The following CACNA1D variants were observed in gnomAD, a reference collection of about 807,000 sequenced individuals.
The protein encoded by CACNA1D is calcium voltage-gated channel subunit alpha1 D.
A neutral mutation model predicts 257.1 loss-of-function variants in CACNA1D; 55 were observed. The ratio of observed to expected loss-of-function variants is 0.21; its 90% confidence interval spans 0.17 to 0.27. CACNA1D has a LOEUF of 0.27. Ranked by LOEUF, CACNA1D falls within the 10% of genes least tolerant of loss-of-function variation. CACNA1D has a pLI of 1.00. For missense variants in CACNA1D, 1,876 were observed against 2,784.0 expected (o/e 0.67, Z 7.34); for synonymous variants, 980 against 1,014.9 (o/e 0.97, Z 0.65).
chr3:53,629,412 G>A (rs1004135062), intron 3 of CACNA1D, among the ~76,000 whole-genome samples: 3 of 152,242 alleles, frequency 2.0e-5, no homozygotes, highest in South Asian at 4.1e-4. Context: ...CTCACCCACA[G>A]CAGATGTTCA....
rs916644660 is a variant in CACNA1D, at chr3:53,768,181, G to C, written c.3871-1792G>C. The stretch of plus-strand genomic sequence containing the variant: ...CTTGAAGCAGAATAGGGAGAGGCCC[G>C]CAGGAGGGTCTTAGGCCAGACTGTG... On this transcript the variant is annotated intron_variant, in intron 30 of 47. Transcript: ENST00000350061. 2.6e-5 allele frequency among the ~76,000 whole-genome samples: 4 copies of C among 152,236 alleles called. 1 individual carries two copies.
chr3:53,523,017 T>C (rs1398622316), intron 3 of CACNA1D, among the ~76,000 whole-genome samples: 1 of 152,220 alleles, frequency 6.6e-6, no homozygotes, highest in Non-Finnish European at 1.5e-5. Flanking sequence ...ACATGCGATA[T>C]TTTTCTTTCT....
rs532539454 is a variant in CACNA1D at position 53,799,345 on chromosome 3, T to C, written c.4924-904T>C. On this transcript the variant is annotated intron_variant, in intron 40 of 47. Transcript: ENST00000350061. ...TTCCTCCATGCACCATGCATAAGCA[T>C]CTTGGAATGCTTCCCTAATGAAGTC... Among the ~76,000 whole-genome samples, 5 of 152,346 alleles carry C rather than the reference T, an allele frequency of 3.3e-5. No homozygotes were observed. In the East Asian group the frequency reaches 9.6e-4, roughly 29 times the overall value.
chr3:53,637,304 A>G (rs184413823), intron 3 of CACNA1D, among the ~76,000 whole-genome samples: 1 of 152,290 alleles, frequency 6.6e-6, no homozygotes, highest in African/African-American at 2.4e-5. Context: ...CGTATTACAC[A>G]CTGTAATAAT....
At chr3:53,668,638 A>C (rs1206724545) in intron 7 of CACNA1D, among the ~76,000 whole-genome samples, 1 of 152,164 alleles carries the variant, frequency 6.6e-6, no homozygotes, top group Non-Finnish European at 1.5e-5. Flanking sequence ...TCTACAGCAA[A>C]TGGTTGTGGT....
chr3:53,574,857 C>G (rs1160050931), intron 3 of CACNA1D, among the ~76,000 whole-genome samples: 1 of 152,178 alleles, frequency 6.6e-6, no homozygotes, highest in Non-Finnish European at 1.5e-5. Context: ...TGACTTTAAC[C>G]CCTGTGAAGC....
chr3:53,574,051 C>T (rs1396425067), intron 3 of CACNA1D, among the ~76,000 whole-genome samples: 2 of 152,162 alleles, frequency 1.3e-5, no homozygotes, highest in Non-Finnish European at 2.9e-5. Flanking sequence ...CTTTCCATTG[C>T]ACTGTGCTCT....
At chr3:53,689,347 GT>G (rs771931677) in intron 8 of CACNA1D, among the ~76,000 whole-genome samples, 152 of 146,046 alleles carry the variant, frequency 1.0e-3, no homozygotes, top group East Asian at 7.1e-3. Context: ...GAGAGGCAGG[GT>G]TTTTTTTTTT....
chr3:53,723,605 TG>T lies in CACNA1D; in HGVS notation c.1842del (p.Ile615SerfsTer10). Reference sequence around the variant, plus strand: ...GTGGAACTGGAAATCATGTCTCCCCTGGGGATCTCTGTGTTTCGGTGTGTGC... The same window carrying T: ...GTGGAACTGGAAATCATGTCTCCCCTGGGATCTCTGTGTTTCGGTGTGTGC... Reference protein sequence around the residue: ...ILVELEIMSPLGISVFRCVRL... With the variant: ...ILVELEIMSPXGISVFRCVRL... On this transcript the variant is annotated frameshift_variant, in exon 13 of 48. Transcript: ENST00000350061. LOFTEE classifies it high-confidence loss of function. This position sits in a 1 kb window ranked among gnomAD's most constrained non-coding sequence, Gnocchi z 5.6. The T allele has an allele frequency of 6.2e-7, 1 of 1,614,156 alleles. No individual in the cohort carries two copies. The highest frequency in any genetic ancestry group is 8.5e-7 in the Non-Finnish European group (1 of 1,180,020).
In CACNA1D at chr3:53,572,412, G is replaced by T. The variant is rs544979124; in HGVS notation, c.483+70692G>T. Among the ~76,000 whole-genome samples the T allele has an allele frequency of 6.2e-5, 9 of 145,994 alleles. No individual in the cohort carries two copies. In the South Asian group the frequency reaches 1.8e-3, roughly 29 times the overall value. On this transcript the variant is annotated intron_variant, in intron 3 of 47. Transcript: ENST00000350061. Reference sequence around the variant, plus strand: ...TTTATTTATTTATTTATTTATTTATGTTTTAGAGATTGGGTCTCATTCTGT... The same window carrying T: ...TTTATTTATTTATTTATTTATTTATTTTTTAGAGATTGGGTCTCATTCTGT...
chr3:53,672,994 C>T (rs774781001), intron 7 of CACNA1D, 29 bp from the exon 8 acceptor site: 15 of 1,442,996 alleles, frequency 1.0e-5, no homozygotes, highest in Admixed American at 7.9e-5. Context: ...TATTAACCCA[C>T]TCCTATGAGA....
intron 21 of CACNA1D, among the ~76,000 whole-genome samples, chr3:53,742,197 G>T (rs1057004886): frequency 1.1e-4 from 17 of 152,184 alleles, no homozygotes; most frequent in Admixed American, 2.6e-4. Context: ...ATTTCATAAG[G>T]TTCAATGTAA....
intron 3 of CACNA1D, among the ~76,000 whole-genome samples, chr3:53,636,791 A>T (rs1297534912): frequency 1.3e-5 from 2 of 152,222 alleles, no homozygotes; most frequent in African/African-American, 4.8e-5. Context: ...ATTCCATGTT[A>T]TTCTACTTCC....
Position 53,732,912 on chromosome 3 carries a change from T to A in CACNA1D, c.2571T>A (p.Ile857=). The part of the protein sequence containing the change: ...RISELNMKEK[I]APIPEGSAFF... ...CGGAGTTGAACATGAAGGAAAAAAT[T>A]GCCCCCATCCCTGAAGGGAGCGCTT... The change falls in exon 19 of 48, where the codon ATT becomes ATA. Residue 857 remains isoleucine, a synonymous_variant. Transcript: ENST00000350061. 1 of 1,613,986 alleles carries A rather than the reference T, an allele frequency of 6.2e-7. No individual in the cohort carries two copies. The highest frequency in any genetic ancestry group is 1.1e-5 in the South Asian group (1 of 91,074).
chr3:53,769,173 C>A (rs1298215198), intron 30 of CACNA1D, among the ~76,000 whole-genome samples: 1 of 152,226 alleles, frequency 6.6e-6, no homozygotes, highest in African/African-American at 2.4e-5. Context: ...CCCCTGCCCT[C>A]CCTGGGGTGG....
intron 3 of CACNA1D, among the ~76,000 whole-genome samples, chr3:53,541,117 A>C (rs1302383964): frequency 6.6e-6 from 1 of 152,164 alleles, no homozygotes; most frequent in African/African-American, 2.4e-5. Context: ...CTGGTACATA[A>C]TCTTGACATA....
At chr3:53,613,786 G>A (rs2093607805) in intron 3 of CACNA1D, among the ~76,000 whole-genome samples, 1 of 151,922 alleles carries the variant, frequency 6.6e-6, no homozygotes, top group African/African-American at 2.4e-5. Context: ...ATATTGTATT[G>A]ATACAAGGTT....
intron 3 of CACNA1D, among the ~76,000 whole-genome samples, chr3:53,635,292 A>G (rs916949243): frequency 6.6e-6 from 1 of 152,138 alleles, no homozygotes; most frequent in African/African-American, 2.4e-5. Context: ...GTGGGTACCC[A>G]TGGCCCAGGA....
chr3:53,551,187 G>GA (rs1559827997), intron 3 of CACNA1D, among the ~76,000 whole-genome samples: 1 of 152,168 alleles, frequency 6.6e-6, no homozygotes, highest in African/African-American at 2.4e-5. Flanking sequence ...TTCAATCCCA[G>GA]AAAAAAATGT....
Sources: gnomAD v4.1 joint callset for allele counts (sites outside exome capture counted in the v4.1 genomes callset) on GRCh38, gnomAD v4.1.1 for gene constraint, Gnocchi (gnomAD v3.1) non-coding constraint, MANE v1.5 for transcripts, NCBI Gene and HGNC (gene_info 2026-07-23, HGNC 2026-07-21) for gene names.